The following DIPK2B variants were observed in gnomAD, a reference collection of about 807,000 sequenced individuals.
The protein encoded by DIPK2B is UPF0672 protein CXorf36.
DIPK2B carries 15 observed loss-of-function variants against 22.2 expected under a neutral mutation model. The observed-to-expected ratio is 0.68, with a 90% CI of 0.45 to 1.04. DIPK2B has a LOEUF of 1.04. Ranked by LOEUF, DIPK2B falls within the 50% of genes least tolerant of loss-of-function variation. DIPK2B has a pLI of 0.00. For synonymous variants in DIPK2B, 163 were observed against 153.2 expected (o/e 1.06, Z -0.47); for missense variants, 345 against 348.3 (o/e 0.99, Z 0.08).
chrX:45,182,485 T>C (rs1374595954), intron 2 of DIPK2B, among the ~76,000 whole-genome samples: 1 of 112,769 alleles, frequency 8.9e-6, no homozygotes. Context: ...GAAAACTACT[T>C]AGCAGAATCA....
intron 1 of DIPK2B, among the ~76,000 whole-genome samples, chrX:45,198,004 A>G (rs1369954765): frequency 8.9e-6 from 1 of 112,718 alleles, no homozygotes; most frequent in Non-Finnish European, 1.9e-5. Context: ...AGTTAAATAA[A>G]TTATGGTTGA....
rs996223609 is a variant in DIPK2B, at chrX:45,158,242, G to T, written c.499-354C>A. Among the ~76,000 whole-genome samples the T allele has an allele frequency of 1.1e-4, 12 of 110,247 alleles. No individual in the cohort carries two copies. The Admixed American group carries it at 1.1e-3, about 10-fold the overall frequency. Reference sequence around the variant, plus strand: ...AGAAGGGAATGAGCTCTCTTGGGCAGCACGGCAGGAGGGCACTGGGCAGGC... The same window carrying T: ...AGAAGGGAATGAGCTCTCTTGGGCATCACGGCAGGAGGGCACTGGGCAGGC... On this transcript the variant is annotated intron_variant, in intron 2 of 4. Coordinates refer to ENST00000398000, the MANE Select transcript of DIPK2B (RefSeq NM_176819.4).
rs1372245161 is a variant in DIPK2B at position 45,191,782 on chromosome X, T to C, written c.467A>G (p.Gln156Arg). The change falls in exon 2 of 5, where the codon CAG becomes CGG. Residue 156 changes from glutamine to arginine, a missense_variant. By Grantham distance (43) the Gln-to-Arg change is conservative (BLOSUM62 1). Coordinates refer to ENST00000398000, the MANE Select transcript of DIPK2B (RefSeq NM_176819.4). ...CAGGTCCGGCGTGAGGCGCTTGGCC[T>C]GCAGCCATTTCTGGAACCTCTCTGT... Reference protein sequence around the residue: ...RKTERFQKWLQAKRLTPDLVQ... With the variant: ...RKTERFQKWLRAKRLTPDLVQ... The C allele has an allele frequency of 1.7e-6, 2 of 1,211,992 alleles. No individual in the cohort carries two copies. Among genetic ancestry groups the C allele is most frequent in the South Asian group, 3.5e-5 (2 of 56,993 alleles).
intron 2 of DIPK2B, among the ~76,000 whole-genome samples, chrX:45,191,197 A>G (rs888301850): frequency 8.9e-6 from 1 of 112,706 alleles, no homozygotes; most frequent in Admixed American, 9.3e-5. Context: ...CAGCATGCCC[A>G]TGGGAGTGGG....
intron 1 of DIPK2B, among the ~76,000 whole-genome samples, chrX:45,197,079 C>G (rs772933375): frequency 1.1e-4 from 12 of 111,731 alleles, no homozygotes; most frequent in Non-Finnish European, 2.1e-4. Flanking sequence ...TGTTGCTGAA[C>G]AGATGCAAGC....
At chrX:45,177,014 T>G (rs940329014) in intron 2 of DIPK2B, among the ~76,000 whole-genome samples, 1 of 111,541 alleles carries the variant, frequency 9.0e-6, no homozygotes, top group Admixed American at 9.5e-5. Flanking sequence ...AAATCTCATG[T>G]TGAAATGTGA....
chrX:45,186,143 G>A (rs906381363), intron 2 of DIPK2B, among the ~76,000 whole-genome samples: 18 of 112,010 alleles, frequency 1.6e-4, no homozygotes, highest in Non-Finnish European at 3.4e-4. Flanking sequence ...AGTTTTCATG[G>A]TTGTAATCTT....
intron 2 of DIPK2B, among the ~76,000 whole-genome samples, chrX:45,169,209 T>C (rs1211657085): frequency 8.9e-6 from 1 of 111,839 alleles, no homozygotes; most frequent in Non-Finnish European, 1.9e-5. Context: ...GGTACCCACC[T>C]CATGAGGGCG....
In DIPK2B at chrX:45,150,472, C is replaced by T. The variant is rs186013219; in HGVS notation, c.*1180G>A. The T allele has an allele frequency of 8.9e-6, 1 of 112,148 alleles. No homozygotes were observed. Among genetic ancestry groups the T allele is most frequent in the East Asian group, 2.8e-4 (1 of 3,545 alleles). The allele number at this position is 112,148 out of a possible 1,213,427, so 9.2% of individuals were successfully genotyped here. A position where few individuals can be genotyped will look rare whatever the true frequency, so the allele number is the denominator to read the frequency against. On this transcript the variant is annotated 3_prime_UTR_variant, in exon 5 of 5. Coordinates refer to ENST00000398000, the MANE Select transcript of DIPK2B (RefSeq NM_176819.4). Reference sequence around the variant, plus strand: ...CCAAGTTTGAATGAAAATTCCTAGACTCCTTAGAGTCCCAACTCGGAGCAT... The same window carrying T: ...CCAAGTTTGAATGAAAATTCCTAGATTCCTTAGAGTCCCAACTCGGAGCAT...
In DIPK2B at chrX:45,157,864, A is replaced by C. The variant is rs1244084133; in HGVS notation, c.523T>G (p.Cys175Gly). Residue 175 changes from cysteine (C) to glycine (G), a missense_variant, in exon 3 of 5, where the codon TGC (cysteine) becomes GGC (glycine). Coordinates refer to ENST00000398000, the MANE Select transcript of DIPK2B (RefSeq NM_176819.4). ...VQGLASPLLR[C>G]PSQRLLDRVV... ...CGATCCAGGAGTCGCTGCGAAGGGCAGCGCAGGAGCGGGCTGGCCAGGCCC... is the reference window on the plus strand; with the variant it reads ...CGATCCAGGAGTCGCTGCGAAGGGCCGCGCAGGAGCGGGCTGGCCAGGCCC... 8.7e-7 allele frequency: 1 copy of C among 1,153,702 alleles called. No homozygotes were observed. Among genetic ancestry groups the C allele is most frequent in the Non-Finnish European group, 1.2e-6 (1 of 865,256 alleles).
intron 2 of DIPK2B, among the ~76,000 whole-genome samples, chrX:45,175,089 T>A (rs1464207204): frequency 1.8e-5 from 2 of 111,411 alleles, no homozygotes; most frequent in Non-Finnish European, 3.8e-5. Flanking sequence ...AGATTCCCCA[T>A]CTGTAAAATG....
chrX:45,185,082 G>A (rs762064747), intron 2 of DIPK2B, among the ~76,000 whole-genome samples: 1 of 112,002 alleles, frequency 8.9e-6, no homozygotes, highest in South Asian at 3.7e-4. Flanking sequence ...TTGATATAGT[G>A]GTTAAGTTCT....
At chrX:45,152,867 G>T (rs925605723) in intron 4 of DIPK2B, among the ~76,000 whole-genome samples, 1 of 111,572 alleles carries the variant, frequency 9.0e-6, no homozygotes, top group Non-Finnish European at 1.9e-5. Context: ...GGAGGCAGAG[G>T]TTGCAGTGAG....
intron 2 of DIPK2B, chrX:45,162,957 G>T: frequency 4.0e-6 from 3 of 753,439 alleles, no homozygotes; most frequent in Non-Finnish European, 4.7e-6. Flanking sequence ...GAAGACGGTC[G>T]ATAAAATTTA....
intron 1 of DIPK2B, among the ~76,000 whole-genome samples, chrX:45,192,524 T>A (rs2047218437): frequency 9.0e-6 from 1 of 111,166 alleles, no homozygotes; most frequent in Non-Finnish European, 1.9e-5. Context: ...CTCTGACCAA[T>A]GGCTGGGTCT....
chrX:45,175,781 A>C (rs983169307), intron 2 of DIPK2B, among the ~76,000 whole-genome samples: 1 of 104,922 alleles, frequency 9.5e-6, no homozygotes, highest in Middle Eastern at 4.5e-3. Context: ...AATAATAACA[A>C]ATAAAAGTAA....
chrX:45,166,020 A>G (rs1014283515), intron 2 of DIPK2B, among the ~76,000 whole-genome samples: 1 of 112,163 alleles, frequency 8.9e-6, no homozygotes, highest in Non-Finnish European at 1.9e-5. Flanking sequence ...GGGCAAGGCC[A>G]TCTTTGATGG....
At chrX:45,167,171 A>G (rs959590914) in intron 2 of DIPK2B, among the ~76,000 whole-genome samples, 14 of 111,964 alleles carry the variant, frequency 1.3e-4, no homozygotes, top group African/African-American at 4.5e-4. Flanking sequence ...AAATAATGAA[A>G]ACTCTTTTTT....
chrX:45,196,328 G>C (rs779348207), intron 1 of DIPK2B, among the ~76,000 whole-genome samples: 78 of 111,507 alleles, frequency 7.0e-4, no homozygotes, highest in Non-Finnish European at 1.3e-3. Context: ...TTCATATAAG[G>C]CTGACTGAAC....
Sources: gnomAD v4.1 joint callset for allele counts (sites outside exome capture counted in the v4.1 genomes callset) on GRCh38, gnomAD v4.1.1 for gene constraint, MANE v1.5 for transcripts, NCBI Gene and HGNC (gene_info 2026-07-23, HGNC 2026-07-21) for gene names.